Variants in PMEL observed in about 807,000 individuals in gnomAD.
The protein encoded by PMEL is premelanosome protein.
Under a neutral mutation model 64.9 loss-of-function variants are expected in PMEL, and 53 were observed. The ratio of observed to expected loss-of-function variants is 0.82; its 90% CI spans 0.66 to 1.03. PMEL has a LOEUF of 1.03. PMEL is among the 50% of genes least tolerant of loss of function. The probability of loss-of-function intolerance (pLI) is 0.00; values close to 1 mark genes in which losing one functional copy is unlikely to be tolerated. For missense variants in PMEL, 716 were observed against 814.9 expected, an observed-to-expected ratio of 0.88 and a Z score of 1.48; for synonymous variants, 299 against 316.2, an observed-to-expected ratio of 0.95 and a Z score of 0.58.
At position 55,955,327 on chromosome 12, in the gene PMEL, G is replaced by A. The variant is rs770425842; in HGVS notation, c.1797C>T (p.Ile599=). ...CCATCAACACCAGCAAGATGCCCAC[G>A]ATCAGCGGAACCTGCCCAAGGCCTG... ...QEAGLGQVPL[I]VGILLVLMAV... is the part of the protein sequence containing the mutation. The change falls in exon 10 of 11, where the codon ATC becomes ATT. Residue 599 remains isoleucine (I), a synonymous_variant. Transcript: ENST00000548747. 8.7e-6 allele frequency: 14 copies of A among 1,614,054 alleles called. No individual in the cohort carries two copies. Among genetic ancestry groups the A allele is most frequent in the Non-Finnish European group, 1.2e-5 (14 of 1,180,032 alleles).
At chr12:55,958,275 T>C (rs1565774993) in intron 4 of PMEL, 191 bp from the exon 5 acceptor site, 5 of 768,544 alleles carry the variant, frequency 6.5e-6, no homozygotes, top group South Asian at 5.6e-5. Context: ...AGGACTACAA[T>C]TGAGGAAGAG....
intron 10 of PMEL, 122 bp from the exon 11 acceptor site, chr12:55,954,471 C>T (rs1050100104): frequency 1.3e-5 from 12 of 939,964 alleles, no homozygotes; most frequent in Middle Eastern, 3.1e-4. Context: ...GCTTCCTCCC[C>T]TTCTCCTCAC....
In PMEL at chr12:55,957,500, G is replaced by T. The variant is rs542975624; in HGVS notation, c.803C>A (p.Thr268Asn). ...YTWDFGDSSG[T>N]LISRALVVTH... ...GACCACAAGTGCCCGAGAGATCAGG[G>T]TTCCACTACTGTCTCCAAAGTCCCA... Residue 268 changes from threonine to asparagine, a missense_variant, in exon 6 of 11, where the codon ACC becomes AAC. By Grantham distance (65) the Thr-to-Asn change is moderately conservative (BLOSUM62 0). Coordinates refer to ENST00000548747, the MANE Select transcript of PMEL (RefSeq NM_001384361.1). The T allele has an allele frequency of 3.9e-5, 63 of 1,614,028 alleles. No homozygotes were observed. In the South Asian group the frequency reaches 6.1e-4, roughly 16 times the overall value.
intron 3 of PMEL, among the ~76,000 whole-genome samples, chr12:55,960,402 G>T (rs895087502): frequency 6.6e-6 from 1 of 151,614 alleles, no homozygotes; most frequent in African/African-American, 2.4e-5. Flanking sequence ...TTGAGACAGG[G>T]TCTCACTCTG....
chr12:55,955,953 A>G lies in PMEL; in HGVS notation c.1472-90T>C, dbSNP rs1475130381. 2.5e-6 allele frequency: 3 copies of G among 1,215,326 alleles called. No individual in the cohort carries two copies. In the African/African-American group the frequency reaches 4.5e-5, roughly 18 times the overall value. The allele number at this position is 1,215,326 out of a possible 1,614,324, so 75.3% of individuals were successfully genotyped here. On this transcript the variant is annotated intron_variant, in intron 7 of 10. Coordinates refer to ENST00000548747, the MANE Select transcript of PMEL (RefSeq NM_001384361.1). The stretch of plus-strand genomic sequence containing the variant: ...AGAAAAGCCCCAGGGCTGCTCCACC[A>G]ATCCCATCCCTGTGCTTTCAAATGA...
intron 7 of PMEL, 48 bp downstream of exon 7, chr12:55,956,055 G>A: frequency 7.4e-7 from 1 of 1,348,464 alleles, no homozygotes; most frequent in Non-Finnish European, 1.1e-6. Context: ...ACCAGCCCTA[G>A]GTAGCACACA....
At position 55,961,513 on chromosome 12, in the gene PMEL, T is replaced by C. The variant is rs529572410; in HGVS notation, c.188-50A>G. 42 of 1,608,810 alleles carry C rather than the reference T, an allele frequency of 2.6e-5. No homozygotes were observed. In the South Asian group the frequency reaches 4.4e-4, roughly 17 times the overall value. On this transcript the variant is annotated intron_variant, in intron 2 of 10. Coordinates refer to ENST00000548747, the MANE Select transcript of PMEL (RefSeq NM_001384361.1). Reference sequence around the variant, plus strand: ...GGGACTCCTGGGCTTCCCCTCCCTGTATACGTTTCCCCTCCTTTTCTTCCC... The same window carrying C: ...GGGACTCCTGGGCTTCCCCTCCCTGCATACGTTTCCCCTCCTTTTCTTCCC...
chr12:55,962,448 CAA>C (rs1197796228), intron 1 of PMEL, among the ~76,000 whole-genome samples: 50 of 37,524 alleles, frequency 1.3e-3, no homozygotes, highest in East Asian at 7.4e-3. Flanking sequence ...GACTCCATCT[CAA>C]AAAAAAAAAA....
intron 1 of PMEL, 78 bp downstream of exon 1, chr12:55,965,858 A>G (rs2069389): frequency 0.041 from 64,887 of 1,566,010 alleles, 1,532 homozygotes; most frequent in Non-Finnish European, 0.048. Flanking sequence ...GCTATCTCCC[A>G]TTAGGAGGAC....
rs1473895426 is a variant in PMEL, at chr12:55,957,577, G to A, written c.726C>T (p.Leu242=). The change falls in exon 6 of 11, where the codon CTC becomes CTT. Residue 242 remains leucine, a synonymous_variant. Coordinates refer to ENST00000548747, the MANE Select transcript of PMEL (RefSeq NM_001384361.1). ...GATAGCCACTGGGGTCATGGAGCTG[G>A]AGGGCAAAGGTCAGAGGCTGATTTC... The part of the protein sequence containing the change: ...FLRNQPLTFA[L]QLHDPSGYLA... 4 of 1,613,936 alleles carry A rather than the reference G, an allele frequency of 2.5e-6. No homozygotes were observed. In the East Asian group the frequency reaches 8.9e-5, roughly 36 times the overall value.
Position 55,957,430 on chromosome 12 carries a change from G to A in PMEL, c.873C>T (p.Val291=), listed in dbSNP as rs1302755252. 1.2e-6 allele frequency: 2 copies of A among 1,610,804 alleles called. No individual in the cohort carries two copies. The highest frequency in any genetic ancestry group is 2.2e-5 in the East Asian group (1 of 44,816). ...AGGTGAGAGGAATGGCAGCCTGCAG[G>A]ACCACCTGGGCAGTGACTGGGCCAG... is the stretch of plus-strand genomic sequence containing the variant. ...LEPGPVTAQV[V]LQAAIPLTSC... The change falls in exon 6 of 11, where the codon GTC becomes GTT. Residue 291 remains valine, a synonymous_variant. Transcript: ENST00000548747.
Position 55,961,644 on chromosome 12 carries a change from G to C in PMEL, c.165C>G (p.Ala55=). Residue 55 remains alanine, a synonymous_variant, in exon 2 of 11, where the codon GCC becomes GCG. Coordinates refer to ENST00000548747, the MANE Select transcript of PMEL (RefSeq NM_001384361.1). ...TACCTCTCCAGCAGTCAAGTCTCTG[G>C]GCTTCTGTCCACTCTGGATACAGCT... ...NRQLYPEWTE[A]QRLDCWRGGQ... 6.2e-7 allele frequency: 1 copy of C among 1,613,826 alleles called. No homozygotes were observed. The highest frequency in any genetic ancestry group is 8.5e-7 in the Non-Finnish European group (1 of 1,179,894).
At chr12:55,965,216 G>A (rs542978153) in intron 1 of PMEL, among the ~76,000 whole-genome samples, 4 of 152,116 alleles carry the variant, frequency 2.6e-5, no homozygotes, top group African/African-American at 4.8e-5. Flanking sequence ...CGTGAGCCAC[G>A]GCGCCCGGCC....
chr12:55,963,707 C>G (rs768039286), intron 1 of PMEL, among the ~76,000 whole-genome samples: 9 of 152,186 alleles, frequency 5.9e-5, no homozygotes, highest in Non-Finnish European at 1.0e-4. Flanking sequence ...AAGAAAAAGA[C>G]TTGAAACTGC....
chr12:55,954,315 G>C lies in PMEL; in HGVS notation c.1885C>G (p.Gln629Glu). The C allele has an allele frequency of 6.2e-7, 1 of 1,614,112 alleles. No homozygotes were observed. The highest frequency in any genetic ancestry group is 8.5e-7 in the Non-Finnish European group (1 of 1,179,974). The change falls in exon 11 of 11, where the codon CAG (glutamine) becomes GAG (glutamate). Residue 629 changes from glutamine (Q) to glutamate (E), a missense_variant. Coordinates refer to ENST00000548747, the MANE Select transcript of PMEL (RefSeq NM_001384361.1). ...CAGTGACTGCTGCTATGTGGCAACTGGGGTACGGAGAAGTCTTGCTTCATA... is the reference window on the plus strand; with the variant it reads ...CAGTGACTGCTGCTATGTGGCAACTCGGGTACGGAGAAGTCTTGCTTCATA... ...RLMKQDFSVPQLPHSSSHWLR... is the reference protein window; with the variant it reads ...RLMKQDFSVPELPHSSSHWLR...
At position 55,954,138 on chromosome 12, in the gene PMEL, G is replaced by T; in HGVS notation, c.*76C>A. 1 of 1,353,482 alleles carries T rather than the reference G, an allele frequency of 7.4e-7. No homozygotes were observed. Among genetic ancestry groups the T allele is most frequent in the Non-Finnish European group, 1.0e-6 (1 of 980,698 alleles). 83.8% of individuals were successfully genotyped at this position (1,353,482 alleles called of 1,614,324 possible). A position where few individuals can be genotyped will look rare whatever the true frequency, so the allele number is the denominator to read the frequency against. ...TGAGTATTTATTTCAGTTAATAGTA[G>T]TCTCCCAGGGAAGACTGGGGGAAAT... On this transcript the variant is annotated 3_prime_UTR_variant, in exon 11 of 11. Transcript: ENST00000548747.
In PMEL at chr12:55,955,369, A is replaced by T. The variant is rs754893665; in HGVS notation, c.1763-8T>A. ...CAAGGCCTGCTTCTTGACCTGTGAG[A>T]AGAATCCCAGGCACTGCTTCACTCA... On this transcript the variant is annotated splice_polypyrimidine_tract_variant and splice_region_variant and intron_variant, in intron 9 of 10. Transcript: ENST00000548747. 5.6e-6 allele frequency: 9 copies of T among 1,613,970 alleles called. No homozygotes were observed. Among genetic ancestry groups the T allele is most frequent in the Admixed American group, 1.7e-5 (1 of 60,000 alleles).
intron 3 of PMEL, among the ~76,000 whole-genome samples, chr12:55,958,978 C>T (rs948551415): frequency 2.0e-5 from 3 of 150,062 alleles, no homozygotes; most frequent in Non-Finnish European, 3.0e-5. Flanking sequence ...CAGGGTCTTG[C>T]TATATTGCCA....
chr12:55,955,113 C>A (rs1255224512), intron 10 of PMEL, among the ~76,000 whole-genome samples, 161 bp downstream of exon 10: 1 of 152,240 alleles, frequency 6.6e-6, no homozygotes, highest in African/African-American at 2.4e-5. Flanking sequence ...CCAGGTCCTA[C>A]AAGCAAGACT....
Sources: gnomAD v4.1 joint callset for allele counts (sites outside exome capture counted in the v4.1 genomes callset) on GRCh38, gnomAD v4.1.1 for gene constraint, MANE v1.5 for transcripts, NCBI Gene and HGNC (gene_info 2026-07-23, HGNC 2026-07-21) for gene names.